DYNC1H1: variants seen among roughly 807,000 people sequenced by gnomAD.
DYNC1H1 encodes the protein dynein cytoplasmic 1 heavy chain 1.
Under a neutral mutation model 527.1 loss-of-function variants are expected in DYNC1H1, and 51 were observed. That is an observed-to-expected ratio of 0.10 (90% CI 0.08 to 0.12). The LOEUF (loss-of-function observed/expected upper bound fraction) is 0.12. Ranked by LOEUF, DYNC1H1 falls within the 10% of genes least tolerant of loss-of-function variation. The probability of loss-of-function intolerance (pLI) is 1.00; values close to 1 mark genes in which losing one functional copy is unlikely to be tolerated. For missense variants in DYNC1H1, 2,771 were observed against 5,971.8 expected, an observed-to-expected ratio of 0.46 and a Z score of 17.66; for synonymous variants, 2,189 against 2,278.8, an observed-to-expected ratio of 0.96 and a Z score of 1.12.
At position 102,012,629 on chromosome 14, in the gene DYNC1H1, T is replaced by A. The variant is rs2048271024; in HGVS notation, c.7014+159T>A. 10 of 1,000,106 alleles carry A rather than the reference T, an allele frequency of 1.0e-5. No individual in the cohort carries two copies. The highest frequency in any genetic ancestry group is 3.1e-6 in the Non-Finnish European group (2 of 654,176). The allele number at this position is 1,000,106 out of a possible 1,614,324, so 62.0% of individuals were successfully genotyped here. ...AAAGATAGCATCTCAACTGCTAGAT[T>A]TTTTTTCCATTTCCATGGCTAGTGA... On this transcript the variant is annotated intron_variant, in intron 34 of 77. Coordinates refer to ENST00000360184, the MANE Select transcript of DYNC1H1 (RefSeq NM_001376.5). The surrounding 1 kb of genome is among the most constrained non-coding windows in gnomAD (Gnocchi z 4.9).
rs1463603430 is a variant in DYNC1H1 at position 102,008,158 on chromosome 14, T to C, written c.5818-20T>C. 1 of 1,613,500 alleles carries C rather than the reference T, an allele frequency of 6.2e-7. No individual in the cohort carries two copies. The highest frequency in any genetic ancestry group is 2.2e-5 in the East Asian group (1 of 44,874). On this transcript the variant is annotated intron_variant, in intron 28 of 77. Coordinates refer to ENST00000360184, the MANE Select transcript of DYNC1H1 (RefSeq NM_001376.5). ...GGGCACAGCAGGTGGTTTTAGCGCC[T>C]TTCTTCCTCTCCTTTCCAGGCAATG...
intron 27 of DYNC1H1, 61 bp from the exon 28 acceptor site, chr14:102,006,947 C>T (rs2048204136): frequency 1.2e-5 from 19 of 1,564,344 alleles, no homozygotes; most frequent in Non-Finnish European, 1.5e-5. Context: ...TCTTTTAAAG[C>T]TAAAGATATG....
chr14:102,032,091 T>G lies in DYNC1H1; in HGVS notation c.9884-181T>G, dbSNP rs575334394. On this transcript the variant is annotated intron_variant, in intron 51 of 77. Transcript: ENST00000360184. ...CTTCATAATCATTTAAGAGATCAGC[T>G]ACTTACCCTATTCCAGAGGGTTTAA... is the stretch of plus-strand genomic sequence containing the variant. Among the ~76,000 whole-genome samples, 71 of 152,366 alleles carry G rather than the reference T, an allele frequency of 4.7e-4. 1 individual carries two copies. Among genetic ancestry groups the G allele is most frequent in the African/African-American group, 1.7e-3 (69 of 41,586 alleles).
rs1228276853 is a variant in DYNC1H1 at position 102,039,836 on chromosome 14, TTTTC to T, written c.11690+108_11690+111del. On this transcript the variant is annotated intron_variant, in intron 62 of 77. Coordinates refer to ENST00000360184, the MANE Select transcript of DYNC1H1 (RefSeq NM_001376.5). This position sits in a 1 kb window ranked among gnomAD's most constrained non-coding sequence, Gnocchi z 7.0. ...ATTATTTCTTTTATTTTCTCTTTTATTTTCTTTATTTTATTTTTTGAGACGGAGT... is the reference window on the plus strand; with the variant it reads ...ATTATTTCTTTTATTTTCTCTTTTATTTTATTTTATTTTTTGAGACGGAGT... 109 of 963,520 alleles carry T rather than the reference TTTTC, an allele frequency of 1.1e-4. 1 individual carries two copies. The highest frequency in any genetic ancestry group is 3.8e-4 in the Middle Eastern group (1 of 2,620). 59.7% of individuals were successfully genotyped at this position (963,520 alleles called of 1,614,324 possible).
chr14:102,047,635 GTGTGTGTATATATA>G, intron 72 of DYNC1H1, 168 bp from the exon 73 acceptor site: 1 of 398,602 alleles, frequency 2.5e-6, no homozygotes, highest in Non-Finnish European at 4.2e-6. Flanking sequence ...GTGTGTGTGT[GTGTGTGTATATATA>G]TATATATATA....
At position 101,988,685 on chromosome 14, in the gene DYNC1H1, A is replaced by G; in HGVS notation, c.2719-18A>G. 3 of 1,614,104 alleles carry G rather than the reference A, an allele frequency of 1.9e-6. No individual in the cohort carries two copies. Among genetic ancestry groups the G allele is most frequent in the Non-Finnish European group, 2.5e-6 (3 of 1,180,012 alleles). ...CTTTTAGAAGAAACACTGTTCTCTG[A>G]TATAACGTTGTCTGTAGATTGAAAG... On this transcript the variant is annotated intron_variant, in intron 9 of 77. Transcript: ENST00000360184.
At chr14:102,026,534 T>G in intron 43 of DYNC1H1, 40 bp from the exon 44 acceptor site, 1 of 1,612,680 alleles carries the variant, frequency 6.2e-7, no homozygotes, top group South Asian at 1.1e-5. Context: ...TAACTAACAT[T>G]TTTTTCTAAG....
intron 72 of DYNC1H1, 163 bp from the exon 73 acceptor site, chr14:102,047,654 T>C (rs2048744094): frequency 1.9e-6 from 1 of 517,230 alleles, no homozygotes; most frequent in East Asian, 4.2e-5. Context: ...TATATATATA[T>C]ATATATATAT....
chr14:102,038,354 G>A lies in DYNC1H1; in HGVS notation c.10909-106G>A. 1 of 1,532,884 alleles carries A rather than the reference G, an allele frequency of 6.5e-7. No homozygotes were observed. Among genetic ancestry groups the A allele is most frequent in the Non-Finnish European group, 8.8e-7 (1 of 1,142,034 alleles). 95.0% of individuals were successfully genotyped at this position (1,532,884 alleles called of 1,614,324 possible). ...GGCCACCACACGCAAGTGGCGGGTG[G>A]CTTTTGGGAAGGTATGCTTATCCAG... On this transcript the variant is annotated intron_variant, in intron 57 of 77. Coordinates refer to ENST00000360184, the MANE Select transcript of DYNC1H1 (RefSeq NM_001376.5). This position sits in a 1 kb window ranked among gnomAD's most constrained non-coding sequence, Gnocchi z 7.2.
intron 11 of DYNC1H1, 152 bp downstream of exon 11, chr14:101,991,825 C>T (rs1237323640): frequency 8.7e-6 from 10 of 1,142,910 alleles, no homozygotes; most frequent in South Asian, 1.4e-5. Flanking sequence ...GCTTTTTGTG[C>T]CCTGACCTTT....
At chr14:101,987,661 C>T (rs778077842) in intron 9 of DYNC1H1, 29 bp downstream of exon 9, 3 of 1,613,374 alleles carry the variant, frequency 1.9e-6, no homozygotes, top group Non-Finnish European at 1.7e-6. Context: ...TAGCATTTTC[C>T]TCCTTTTTCT....
rs1439568648 is a variant in DYNC1H1 at position 101,997,552 on chromosome 14, T to TA, written c.3804+279dup. Among the ~76,000 whole-genome samples the TA allele has an allele frequency of 1.2e-4, 18 of 152,298 alleles. No homozygotes were observed. In the East Asian group the frequency reaches 3.5e-3, roughly 29 times the overall value. On this transcript the variant is annotated intron_variant, in intron 16 of 77. Coordinates refer to ENST00000360184, the MANE Select transcript of DYNC1H1 (RefSeq NM_001376.5). This position sits in a 1 kb window ranked among gnomAD's most constrained non-coding sequence, Gnocchi z 4.8. Reference sequence around the variant, plus strand: ...CTCTTACGTAGATATGCGCAGAAATTAGAGTTTAATTTCCTGTAGACAAAG... The same window carrying TA: ...CTCTTACGTAGATATGCGCAGAAATTAAGAGTTTAATTTCCTGTAGACAAAG...
rs951455389 is a variant in DYNC1H1, at chr14:102,055,560, C to G, written c.*4997C>G. 6.5e-6 allele frequency: 1 copy of G among 153,048 alleles called. No homozygotes were observed. Among genetic ancestry groups the G allele is most frequent in the African/African-American group, 2.4e-5 (1 of 41,448 alleles). The allele number at this position is 153,048 out of a possible 1,614,324, so 9.5% of individuals were successfully genotyped here. ...CTCCGGACATCTGTTCAGCACCCCC[C>G]TCGACCTGGCCAAGGCTCCACGCAC... On this transcript the variant is annotated 3_prime_UTR_variant, in exon 78 of 78. Transcript: ENST00000360184.
intron 69 of DYNC1H1, chr14:102,043,035 A>G: frequency 2.4e-6 from 1 of 425,310 alleles, no homozygotes; most frequent in Non-Finnish European, 4.4e-6. Flanking sequence ...TAATCCCTGC[A>G]CTTTGGGAGG....
intron 55 of DYNC1H1, 36 bp downstream of exon 55, chr14:102,034,224 G>A: frequency 1.2e-6 from 2 of 1,614,196 alleles, no homozygotes; most frequent in Non-Finnish European, 1.7e-6. Context: ...GGATGTGCGA[G>A]CAGTGTGAGG....
In DYNC1H1 at chr14:102,020,848, G is replaced by T. The variant is rs1394764897; in HGVS notation, c.8507+792G>T. On this transcript the variant is annotated intron_variant, in intron 42 of 77. Transcript: ENST00000360184. The surrounding 1 kb of genome is among the most constrained non-coding windows in gnomAD (Gnocchi z 4.3). ...TTTTCCTGTCATTACTGTACAAGGA[G>T]TCTCAGAATACTGCCTAGTTGTAAT... is the stretch of plus-strand genomic sequence containing the variant. Among the ~76,000 whole-genome samples the T allele has an allele frequency of 6.6e-6, 1 of 152,182 alleles. No individual in the cohort carries two copies. Among genetic ancestry groups the T allele is most frequent in the East Asian group, 1.9e-4 (1 of 5,206 alleles).
At position 102,028,003 on chromosome 14, in the gene DYNC1H1, A is replaced by G. The variant is rs371538443; in HGVS notation, c.9330A>G (p.Thr3110=). 16 of 1,614,088 alleles carry G rather than the reference A, an allele frequency of 9.9e-6. No homozygotes were observed. Among genetic ancestry groups the G allele is most frequent in the Non-Finnish European group, 1.4e-5 (16 of 1,180,042 alleles). ...TGTATCAGGTTGGCAAAGAATTCAC[A>G]AGTAAGATGGATCTGGAGAAGCCAA... ...EALYQVGKEF[T]SKMDLEKPNY... Residue 3110 remains threonine, a synonymous_variant, in exon 48 of 78, where the codon ACA becomes ACG. Coordinates refer to ENST00000360184, the MANE Select transcript of DYNC1H1 (RefSeq NM_001376.5).
intron 2 of DYNC1H1, 73 bp downstream of exon 2, chr14:101,975,872 C>A: frequency 8.7e-6 from 10 of 1,150,572 alleles, no homozygotes; most frequent in Non-Finnish European, 1.3e-5. Context: ...TTTTTCTTTT[C>A]AAACTCAGAA....
At chr14:101,974,288 G>A (rs1044951916) in intron 1 of DYNC1H1, among the ~76,000 whole-genome samples, 7 of 151,984 alleles carry the variant, frequency 4.6e-5, no homozygotes, top group Non-Finnish European at 7.4e-5. Flanking sequence ...TAGCAGAGAC[G>A]GGGTTTCTCC....
Sources: gnomAD v4.1 joint callset for allele counts (sites outside exome capture counted in the v4.1 genomes callset) on GRCh38, gnomAD v4.1.1 for gene constraint, Gnocchi (gnomAD v3.1) non-coding constraint, MANE v1.5 for transcripts, NCBI Gene and HGNC (gene_info 2026-07-23, HGNC 2026-07-21) for gene names.